Variants in RRBP1 observed in about 807,000 individuals in gnomAD.
RRBP1 encodes the protein ribosome-binding protein 1.
In RRBP1, 94 loss-of-function variants were observed where a neutral mutation model predicts 165.2. The ratio of observed to expected loss-of-function variants is 0.57; its 90% confidence interval spans 0.48 to 0.68. The LOEUF is 0.68. Among genes scored for constraint, RRBP1 ranks in the 30% least tolerant of loss-of-function variants. RRBP1 has a pLI of 0.00. For missense variants in RRBP1, 1,676 were observed against 1,763.0 expected, an observed-to-expected ratio of 0.95 and a Z score of 0.88; for synonymous variants, 680 against 714.5, an observed-to-expected ratio of 0.95 and a Z score of 0.77.
At chr20:17,631,793 C>CCTCATT (rs2036155254) in intron 8 of RRBP1, among the ~76,000 whole-genome samples, 1 of 152,264 alleles carries the variant, frequency 6.6e-6, no homozygotes, top group East Asian at 1.9e-4. Context: ...CCACCCCCGC[C>CCTCATT]CTCATTCCTG....
rs747957678 is a variant in RRBP1 at position 17,643,173 on chromosome 20, C to G, written c.1913-46G>C. Reference sequence around the variant, plus strand: ...AGCTGAGACTTAGGCCCATAAGCCACAACACACGTGGCCACAATGCCCATC... The same window carrying G: ...AGCTGAGACTTAGGCCCATAAGCCAGAACACACGTGGCCACAATGCCCATC... On this transcript the variant is annotated intron_variant, in intron 3 of 24. Transcript: ENST00000377813. This position sits in a 1 kb window ranked among gnomAD's most constrained non-coding sequence, Gnocchi z 4.3. The G allele has an allele frequency of 6.3e-7, 1 of 1,595,740 alleles. No individual in the cohort carries two copies. Among genetic ancestry groups the G allele is most frequent in the Non-Finnish European group, 8.5e-7 (1 of 1,170,792 alleles).
At chr20:17,622,841 A>G (rs2035940727) in intron 13 of RRBP1, 1 of 152,014 alleles carries the variant, frequency 6.6e-6, no homozygotes, top group South Asian at 2.1e-4. Context: ...GGCCCCAGGA[A>G]CTCCACCTGG....
rs114498635 is a variant in RRBP1, at chr20:17,620,347, G to C, written c.3531C>G (p.Leu1177=). The change falls in exon 18 of 25, where the codon CTC becomes CTG. Residue 1177 remains leucine, a synonymous_variant. Transcript: ENST00000377813. The stretch of plus-strand genomic sequence containing the variant: ...CTTTTAGCTTCTCTACAATCTCTTC[G>C]AGATGCTTCACTGTGACCCGGGACT... ...LQKSRVTVKH[L]EEIVEKLKGE... is the part of the protein sequence containing the mutation. 27 of 1,613,708 alleles carry C rather than the reference G, an allele frequency of 1.7e-5. No homozygotes were observed. The Middle Eastern group carries it at 4.9e-4, about 30-fold the overall frequency.
At chr20:17,626,066 G>A (rs1218249004) in intron 11 of RRBP1, among the ~76,000 whole-genome samples, 5 of 152,196 alleles carry the variant, frequency 3.3e-5, no homozygotes, top group Non-Finnish European at 7.3e-5. Flanking sequence ...GCCACTGCCC[G>A]AATTCTAGAA....
chr20:17,624,261 A>AAGGCTCTG (rs2035969562), intron 13 of RRBP1, among the ~76,000 whole-genome samples: 1 of 152,224 alleles, frequency 6.6e-6, no homozygotes, highest in South Asian at 2.1e-4. Context: ...CTCTGAGGCC[A>AAGGCTCTG]AGGCCACTCT....
At chr20:17,629,534 C>A (rs1240029931) in intron 9 of RRBP1, among the ~76,000 whole-genome samples, 1 of 152,046 alleles carries the variant, frequency 6.6e-6, no homozygotes, top group Non-Finnish European at 1.5e-5. Context: ...CTCCCATGCA[C>A]CAGGCCCTCA....
intron 2 of RRBP1, among the ~76,000 whole-genome samples, chr20:17,672,986 TG>T (rs2037006717): frequency 6.6e-6 from 1 of 152,200 alleles, no homozygotes; most frequent in Non-Finnish European, 1.5e-5. Flanking sequence ...GGGCAGCAGC[TG>T]GAAGAGGGGC....
chr20:17,624,327 A>G (rs2035971728), intron 13 of RRBP1, among the ~76,000 whole-genome samples: 2 of 152,126 alleles, frequency 1.3e-5, no homozygotes, highest in African/African-American at 4.8e-5. Flanking sequence ...TGTGTGTCCT[A>G]GTGCGTCTGT....
At chr20:17,672,145 TC>T (rs2036991392) in intron 2 of RRBP1, among the ~76,000 whole-genome samples, 1 of 152,198 alleles carries the variant, frequency 6.6e-6, no homozygotes, top group Non-Finnish European at 1.5e-5. Context: ...GGGCAGAGCT[TC>T]TAATTAGAAA....
At chr20:17,660,606 C>G (rs570991889) in intron 2 of RRBP1, 78 bp from the exon 3 acceptor site, 3 of 853,824 alleles carry the variant, frequency 3.5e-6, no homozygotes, top group South Asian at 3.4e-5. Flanking sequence ...TACCACCAAA[C>G]TTCAGGTTTC....
Position 17,621,700 on chromosome 20 carries a change from T to C in RRBP1, c.3314A>G (p.Glu1105Gly). 1 of 1,613,722 alleles carries C rather than the reference T, an allele frequency of 6.2e-7. No individual in the cohort carries two copies. The highest frequency in any genetic ancestry group is 1.1e-5 in the South Asian group (1 of 91,076). The change falls in exon 15 of 25, where the codon GAG (glutamate) becomes GGG (glycine). Residue 1105 changes from glutamate to glycine, a missense_variant. Coordinates refer to ENST00000377813, the MANE Select transcript of RRBP1 (RefSeq NM_001365613.2). ...GGCAGCCACACTTACCGAGGAGGGC[T>C]CCGCGGGAGCTGGCGGGTGCTTCAG... Reference protein sequence around the residue: ...TLLKHPPAPAEPSSDLASKLR... With the variant: ...TLLKHPPAPAGPSSDLASKLR...
chr20:17,672,465 G>A (rs2036996359), intron 2 of RRBP1, among the ~76,000 whole-genome samples: 1 of 152,188 alleles, frequency 6.6e-6, no homozygotes, highest in Non-Finnish European at 1.5e-5. Flanking sequence ...GCCTGAGTGA[G>A]TCATTTCTTA....
At chr20:17,639,962 A>G (rs1046715798) in intron 5 of RRBP1, among the ~76,000 whole-genome samples, 3 of 151,978 alleles carry the variant, frequency 2.0e-5, no homozygotes, top group Admixed American at 1.3e-4. Context: ...AACAGAGAGC[A>G]CGAGCACAGG....
chr20:17,633,815 G>A (rs2036198807), intron 7 of RRBP1, among the ~76,000 whole-genome samples: 2 of 152,210 alleles, frequency 1.3e-5, no homozygotes, highest in Non-Finnish European at 2.9e-5. Flanking sequence ...CCTATATAGT[G>A]CATGAACCAG....
intron 2 of RRBP1, 113 bp downstream of exon 2, chr20:17,679,886 A>G (rs1044017417): frequency 2.6e-5 from 4 of 151,872 alleles, no homozygotes; most frequent in African/African-American, 9.7e-5. Flanking sequence ...AAACCCCAAG[A>G]TCCCTTTCTG....
At chr20:17,623,292 G>A (rs1364133885) in intron 13 of RRBP1, 1 of 152,272 alleles carries the variant, frequency 6.6e-6, no homozygotes, top group African/African-American at 2.4e-5. Context: ...GTCCTCATCT[G>A]ATACAACCCT....
At position 17,662,484 on chromosome 20, in the gene RRBP1, T is replaced by C. The variant is rs760751615; in HGVS notation, c.-21-1956A>G. 3.9e-5 allele frequency among the ~76,000 whole-genome samples: 6 copies of C among 152,146 alleles called. 1 individual carries two copies. Among genetic ancestry groups the C allele is most frequent in the Non-Finnish European group, 5.9e-5 (4 of 68,012 alleles). On this transcript the variant is annotated intron_variant, in intron 2 of 24. Transcript: ENST00000377813. ...AGCGAGACTGAGTCACACTTTTCAT[T>C]CCAGTCTTAACCTCTACAAAGTCTT... is the stretch of plus-strand genomic sequence containing the variant.
rs949219225 is a variant in RRBP1, at chr20:17,659,572, T to G, written c.936A>C (p.Ala312=). The G allele has an allele frequency of 2.2e-5, 34 of 1,517,166 alleles. No homozygotes were observed. Among genetic ancestry groups the G allele is most frequent in the African/African-American group, 3.0e-5 (2 of 66,326 alleles). The allele number at this position is 1,517,166 out of a possible 1,614,324, so 94.0% of individuals were successfully genotyped here. A position where few individuals can be genotyped will look rare whatever the true frequency, so the allele number is the denominator to read the frequency against. The change falls in exon 3 of 25, where the codon GCA becomes GCC. Residue 312 remains alanine, a synonymous_variant. Transcript: ENST00000377813. ...TTTTGCCCTGATTCTGGGCCCCCTC[T>G]GCCTTTTTGCCCTGGTTCTGGGCCC... ...VEGAQNQGKK[A]EGAQNQGKKG... is the part of the protein sequence containing the mutation.
At chr20:17,638,267 C>T (rs550722404) in intron 5 of RRBP1, among the ~76,000 whole-genome samples, 4 of 152,352 alleles carry the variant, frequency 2.6e-5, no homozygotes, top group East Asian at 1.9e-4. Flanking sequence ...GCTGAGTTTC[C>T]GACACAACGG....
Sources: gnomAD v4.1 joint callset for allele counts (sites outside exome capture counted in the v4.1 genomes callset) on GRCh38, gnomAD v4.1.1 for gene constraint, Gnocchi (gnomAD v3.1) non-coding constraint, MANE v1.5 for transcripts, NCBI Gene and HGNC (gene_info 2026-07-23, HGNC 2026-07-21) for gene names.